The following CERKL variants were observed in gnomAD, a reference collection of about 807,000 sequenced individuals.
The protein encoded by CERKL is CERK like autophagy regulator.
In CERKL, 61 loss-of-function variants were observed where a neutral mutation model predicts 63.4. The ratio of observed to expected loss-of-function variants is 0.96; its 90% confidence interval spans 0.78 to 1.19. The LOEUF (loss-of-function observed/expected upper bound fraction) is 1.19. Among genes scored for constraint, CERKL ranks in the 50% most tolerant of loss-of-function variants. The probability of loss-of-function intolerance (pLI) is 0.00; values close to 1 mark genes in which losing one functional copy is unlikely to be tolerated. For synonymous variants in CERKL, 250 were observed against 230.5 expected, an observed-to-expected ratio of 1.08 and a Z score of -0.77; for missense variants, 675 against 655.5, an observed-to-expected ratio of 1.03 and a Z score of -0.33.
At chr2:181,614,555 T>C (rs1355428319) in intron 1 of CERKL, among the ~76,000 whole-genome samples, 1 of 152,218 alleles carries the variant, frequency 6.6e-6, no homozygotes, top group African/African-American at 2.4e-5. Flanking sequence ...TTATAAATTT[T>C]TGAGTGCTGA....
At chr2:181,563,029 T>C (rs552262758) in intron 4 of CERKL, among the ~76,000 whole-genome samples, 1 of 152,320 alleles carries the variant, frequency 6.6e-6, no homozygotes, top group African/African-American at 2.4e-5. Context: ...GGAATTCATA[T>C]ATTTACAATT....
chr2:181,576,647 T>C (rs1420492005), intron 2 of CERKL, among the ~76,000 whole-genome samples: 1 of 152,198 alleles, frequency 6.6e-6, no homozygotes, highest in East Asian at 1.9e-4. Flanking sequence ...CTCTGGCTGC[T>C]TTGCGGAAAG....
At chr2:181,619,133 T>A (rs954729432) in intron 1 of CERKL, among the ~76,000 whole-genome samples, 2 of 152,162 alleles carry the variant, frequency 1.3e-5, no homozygotes, top group African/African-American at 4.8e-5. Context: ...AAGGGCAATT[T>A]TGTTGAGATC....
intron 1 of CERKL, among the ~76,000 whole-genome samples, chr2:181,622,428 A>T (rs1019847165): frequency 5.3e-5 from 8 of 152,218 alleles, no homozygotes; most frequent in African/African-American, 1.9e-4. Flanking sequence ...CTTCAAAAAT[A>T]GTGACTACTC....
intron 1 of CERKL, among the ~76,000 whole-genome samples, chr2:181,610,894 C>T (rs1685939312): frequency 6.6e-6 from 1 of 152,054 alleles, no homozygotes; most frequent in Admixed American, 6.5e-5. Context: ...CAGGAATTTA[C>T]TCTAAGGGAA....
intron 1 of CERKL, among the ~76,000 whole-genome samples, chr2:181,627,650 T>C (rs927741382): frequency 7.2e-5 from 11 of 152,238 alleles, no homozygotes; most frequent in Non-Finnish European, 1.5e-4. Flanking sequence ...AATAGAAATT[T>C]GATGACAATC....
At chr2:181,656,667 G>GA in intron 1 of CERKL, 102 bp downstream of exon 1, 1 of 1,037,992 alleles carries the variant, frequency 9.6e-7, no homozygotes. Context: ...GGGGAGGCGA[G>GA]AAAAGGGGAG....
intron 4 of CERKL, among the ~76,000 whole-genome samples, chr2:181,565,809 A>G (rs1688640808): frequency 6.6e-6 from 1 of 152,164 alleles, no homozygotes. Flanking sequence ...AGTATAGAGT[A>G]GTACACTGTC....
intron 2 of CERKL, among the ~76,000 whole-genome samples, chr2:181,581,489 A>G (rs900569484): frequency 3.3e-5 from 5 of 152,232 alleles, no homozygotes; most frequent in African/African-American, 1.2e-4. Flanking sequence ...TGAATCCTGT[A>G]GTTGACAGCC....
intron 2 of CERKL, among the ~76,000 whole-genome samples, chr2:181,602,681 G>A (rs1267827286): frequency 6.6e-6 from 1 of 152,094 alleles, no homozygotes; most frequent in Non-Finnish European, 1.5e-5. Flanking sequence ...GATCAACTTG[G>A]GTCCTCATGG....
intron 2 of CERKL, among the ~76,000 whole-genome samples, chr2:181,579,470 T>A (rs1465118844): frequency 6.6e-6 from 1 of 151,956 alleles, no homozygotes; most frequent in Non-Finnish European, 1.5e-5. Flanking sequence ...ATTCTTCATA[T>A]TTTCTTTGTC....
At chr2:181,618,756 T>C (rs1254242964) in intron 1 of CERKL, among the ~76,000 whole-genome samples, 3 of 152,206 alleles carry the variant, frequency 2.0e-5, no homozygotes, top group Non-Finnish European at 4.4e-5. Flanking sequence ...GTCTATTTAA[T>C]TTCTAATACA....
chr2:181,539,026 G>A (rs768254387), intron 12 of CERKL, 66 bp downstream of exon 12: 15 of 1,173,450 alleles, frequency 1.3e-5, no homozygotes, highest in Non-Finnish European at 1.8e-5. Context: ...AGAGAAGAGA[G>A]CTTTCGTTGT....
intron 2 of CERKL, among the ~76,000 whole-genome samples, chr2:181,590,164 G>T (rs1421218491): frequency 1.3e-5 from 2 of 151,368 alleles, no homozygotes; most frequent in Non-Finnish European, 2.9e-5. Flanking sequence ...TTGAGACAGA[G>T]TCTCACTCTG....
chr2:181,569,614 C>T lies in CERKL; in HGVS notation c.614-3493G>A, dbSNP rs1452451107. On this transcript the variant is annotated intron_variant, in intron 3 of 12. Transcript: ENST00000410087. ...TGGTGACTAGGCACTCCCAAGAGCC[C>T]TGAGCTGGCAGAGATCAAGGTTTCC... 3.3e-5 allele frequency among the ~76,000 whole-genome samples: 5 copies of T among 152,130 alleles called. No homozygotes were observed. In the East Asian group the frequency reaches 9.6e-4, roughly 29 times the overall value.
In CERKL at chr2:181,604,051, T is replaced by C; in HGVS notation, c.267A>G (p.Lys89=). The part of the protein sequence containing the change: ...AGDSKYDLLC[K]EEFIELKDIF... ...TGTCTTTGAGTTCAATAAATTCTTC[T>C]TTACATAGCAAGTCATACTTAGAAT... Residue 89 remains lysine (K), a synonymous_variant, in exon 2 of 13, where the codon AAA becomes AAG. Coordinates refer to ENST00000410087, the MANE Select transcript of CERKL (RefSeq NM_201548.5). 1.2e-6 allele frequency: 2 copies of C among 1,604,384 alleles called. No individual in the cohort carries two copies. The highest frequency in any genetic ancestry group is 1.7e-6 in the Non-Finnish European group (2 of 1,172,094).
rs1687838519 is a variant in CERKL at position 181,548,578 on chromosome 2, A to G, written c.1100T>C (p.Leu367Ser). The part of the protein sequence containing the change: ...LKAEDCEISF[L>S]PFNSSDDVQE... The stretch of plus-strand genomic sequence containing the variant: ...CACATCATCAGAGCTGTTAAATGGT[A>G]AAAATGATATTTCACAGTCTTCTGC... Residue 367 changes from leucine to serine, a missense_variant, in exon 8 of 13, where the codon TTA (leucine) becomes TCA (serine). By Grantham distance (145) the Leu-to-Ser change is moderately radical. Transcript: ENST00000410087. 2 of 1,612,712 alleles carry G rather than the reference A, an allele frequency of 1.2e-6. No individual in the cohort carries two copies. Among genetic ancestry groups the G allele is most frequent in the Non-Finnish European group, 1.7e-6 (2 of 1,179,110 alleles).
At chr2:181,654,778 TTTTG>T (rs1408990191) in intron 1 of CERKL, among the ~76,000 whole-genome samples, 6 of 152,208 alleles carry the variant, frequency 3.9e-5, no homozygotes, top group South Asian at 2.1e-4. Flanking sequence ...CAGTGTTTGT[TTTTG>T]TTTGTTTGTT....
chr2:181,641,000 C>G (rs79855750), intron 1 of CERKL, among the ~76,000 whole-genome samples: 2,481 of 152,292 alleles, frequency 0.016, 67 homozygotes, highest in African/African-American at 0.055. Flanking sequence ...CCTTCAGATG[C>G]TGCCATGTGG....
Sources: allele counts gnomAD v4.1 joint callset (sites outside exome capture counted in the v4.1 genomes callset), GRCh38; gene constraint gnomAD v4.1.1; transcripts MANE v1.5; gene names NCBI Gene and HGNC (gene_info 2026-07-23, HGNC 2026-07-21).